The following SETX variants were observed in gnomAD, a reference collection of about 807,000 sequenced individuals.
The protein encoded by SETX is helicase senataxin.
SETX carries 90 observed loss-of-function variants against 227.2 expected under a neutral mutation model. That is an observed-to-expected ratio of 0.40 (90% CI 0.33 to 0.47). SETX has a LOEUF of 0.47. SETX is among the 20% of genes least tolerant of loss of function. The probability of loss-of-function intolerance (pLI) is 0.91; values close to 1 mark genes in which losing one functional copy is unlikely to be tolerated. For missense variants in SETX, 3,052 were observed against 3,181.5 expected, an observed-to-expected ratio of 0.96 and a Z score of 0.98; for synonymous variants, 1,210 against 1,113.2, an observed-to-expected ratio of 1.09 and a Z score of -1.73.
rs773843744 is a variant in SETX, at chr9:132,283,285, G to A, written c.6525C>T (p.Phe2175=). The A allele has an allele frequency of 6.8e-6, 11 of 1,614,128 alleles. No homozygotes were observed. Among genetic ancestry groups the A allele is most frequent in the Non-Finnish European group, 9.3e-6 (11 of 1,180,002 alleles). ...TGACCTCATCAACAATGACACAGCT[G>A]AAGGGGACACCCCCTTGCCCACGGA... ...SAFRGQGGVP[F]SCVIVDEAGQ... Residue 2175 remains phenylalanine, a synonymous_variant, in exon 19 of 26, where the codon TTC becomes TTT. Transcript: ENST00000224140.
intron 25 of SETX, among the ~76,000 whole-genome samples, chr9:132,265,328 C>T (rs534132717): frequency 1.3e-5 from 2 of 151,086 alleles, no homozygotes; most frequent in South Asian, 4.2e-4. Context: ...CGGGTTCACG[C>T]CATTCTCCTG....
intron 19 of SETX, among the ~76,000 whole-genome samples, chr9:132,281,944 C>A (rs1385802462): frequency 6.6e-6 from 1 of 150,534 alleles, no homozygotes; most frequent in Non-Finnish European, 1.5e-5. Flanking sequence ...ACTGCTTGAA[C>A]CCAGGAGGCA....
intron 2 of SETX, among the ~76,000 whole-genome samples, chr9:132,351,717 C>CT (rs1420286460): frequency 6.6e-6 from 1 of 152,182 alleles, no homozygotes; most frequent in Non-Finnish European, 1.5e-5. Context: ...CATATTTTGT[C>CT]TTTAAGGAGA....
chr9:132,282,840 G>A, intron 19 of SETX: 2 of 215,348 alleles, frequency 9.3e-6, no homozygotes, highest in South Asian at 7.0e-5. Flanking sequence ...CATCTCTTTT[G>A]TCTTCTGACT....
chr9:132,304,278 G>C (rs969580051), intron 11 of SETX, among the ~76,000 whole-genome samples: 1 of 152,134 alleles, frequency 6.6e-6, no homozygotes, highest in African/African-American at 2.4e-5. Context: ...GAAACTCAAA[G>C]CTTCTGAGGG....
intron 7 of SETX, among the ~76,000 whole-genome samples, chr9:132,333,836 A>G (rs944465242): frequency 6.6e-6 from 1 of 152,240 alleles, no homozygotes; most frequent in Non-Finnish European, 1.5e-5. Flanking sequence ...AGGATAGAGT[A>G]CAGGCACGTG....
chr9:132,323,121 C>T (rs975459212), intron 10 of SETX, among the ~76,000 whole-genome samples: 2 of 152,098 alleles, frequency 1.3e-5, no homozygotes, highest in African/African-American at 4.8e-5. Context: ...GAAGGACAGG[C>T]CTCGCTAACA....
chr9:132,300,642 G>T lies in SETX; in HGVS notation c.5536C>A (p.Arg1846Ser). ...ATTATTTACTTACTGACTGACGTGC[G>T]GCGAAATTTATGAACATAACCAGAA... ...YHSGYVHKFR[R>S]TSVMRNGKTE... Residue 1846 changes from arginine (R) to serine (S), a missense_variant, in exon 12 of 26, where the codon CGC (arginine) becomes AGC (serine). Around this residue, in one of 10 missense-constraint regions of SETX, gnomAD observed 239 missense variants for 272.1 expected, o/e 0.88. Transcript: ENST00000224140. 1 of 1,613,452 alleles carries T rather than the reference G, an allele frequency of 6.2e-7. No homozygotes were observed. The highest frequency in any genetic ancestry group is 8.5e-7 in the Non-Finnish European group (1 of 1,179,860).
chr9:132,339,707 G>A (rs1267501644), intron 5 of SETX, among the ~76,000 whole-genome samples: 1 of 152,098 alleles, frequency 6.6e-6, no homozygotes, highest in Non-Finnish European at 1.5e-5. Context: ...CTGCATCCCG[G>A]GTTCAAGCAA....
In SETX at chr9:132,288,290, C is replaced by T. The variant is rs775498692; in HGVS notation, c.6270G>A (p.Gln2090=). ...CTCGCTGCCGGGAAAGCTCATCCAG[C>T]TGATAATCTAGAAATTCCTTTCTTT... The part of the protein sequence containing the change: ...MHKRKEFLDY[Q]LDELSRQRAL... Residue 2090 remains glutamine (Q), a synonymous_variant, in exon 17 of 26, where the codon CAG becomes CAA. Coordinates refer to ENST00000224140, the MANE Select transcript of SETX (RefSeq NM_015046.7). 1 of 1,614,230 alleles carries T rather than the reference C, an allele frequency of 6.2e-7. No individual in the cohort carries two copies. The highest frequency in any genetic ancestry group is 1.1e-5 in the South Asian group (1 of 91,092).
At chr9:132,316,234 C>T (rs999570615) in intron 10 of SETX, among the ~76,000 whole-genome samples, 1 of 152,184 alleles carries the variant, frequency 6.6e-6, no homozygotes, top group African/African-American at 2.4e-5. Flanking sequence ...CTTTCAGTAA[C>T]ACTTCATATA....
At chr9:132,269,342 G>T (rs1031376591) in intron 25 of SETX, 1 of 1,271,288 alleles carries the variant, frequency 7.9e-7, no homozygotes. Flanking sequence ...ACATCTGTGG[G>T]TTTAATATAC....
chr9:132,342,833 C>T, intron 4 of SETX, 34 bp from the exon 5 acceptor site: 1 of 1,417,812 alleles, frequency 7.1e-7, no homozygotes, highest in South Asian at 1.1e-5. Flanking sequence ...ATACATAAAT[C>T]TTATCACCTT....
intron 6 of SETX, among the ~76,000 whole-genome samples, chr9:132,335,817 ACT>A (rs1479107494): frequency 1.3e-5 from 2 of 152,228 alleles, no homozygotes; most frequent in Non-Finnish European, 2.9e-5. Flanking sequence ...GGATATAAAT[ACT>A]GTTTAATAAC....
At chr9:132,336,145 A>T (rs7036889) in intron 6 of SETX, 151 bp downstream of exon 6, 18 of 679,142 alleles carry the variant, frequency 2.7e-5, no homozygotes, top group African/African-American at 2.5e-4. Flanking sequence ...CGGGAGGCTA[A>T]GGCAGGAGAA....
chr9:132,336,383 A>G lies in SETX; in HGVS notation c.631T>C (p.Tyr211His), dbSNP rs1177613501. The G allele has an allele frequency of 1.2e-6, 2 of 1,614,164 alleles. No homozygotes were observed. Among genetic ancestry groups the G allele is most frequent in the South Asian group, 1.1e-5 (1 of 91,078 alleles). The change falls in exon 6 of 26, where the codon TAT becomes CAT. Residue 211 changes from tyrosine to histidine, a missense_variant. Around this residue, in one of 10 missense-constraint regions of SETX, gnomAD observed 239 missense variants for 240.8 expected, o/e 0.99. Transcript: ENST00000224140. ...CCCTTCTCTAGGACAGAAGAAGTAT[A>G]AATGTCTGGACTCTCTAAAAGCCCC... is the stretch of plus-strand genomic sequence containing the variant. ...ELGLLESPDI[Y>H]TSSVLEKGKL...
In SETX at chr9:132,311,858, T is replaced by C; in HGVS notation, c.5275-2A>G. ...AGAGTTGAGCCATTCTTGTGCCACCTATACAAAGCACAAAAGCAAATTAAG... is the reference window on the plus strand; with the variant it reads ...AGAGTTGAGCCATTCTTGTGCCACCCATACAAAGCACAAAAGCAAATTAAG... On this transcript the variant is annotated splice_acceptor_variant, in intron 10 of 25. Transcript: ENST00000224140. LOFTEE classifies it high-confidence loss of function. The C allele has an allele frequency of 6.2e-7, 1 of 1,606,554 alleles. No individual in the cohort carries two copies. Among genetic ancestry groups the C allele is most frequent in the Non-Finnish European group, 8.5e-7 (1 of 1,173,760 alleles).
At chr9:132,331,210 A>G in intron 8 of SETX, 67 bp downstream of exon 8, 2 of 1,608,368 alleles carry the variant, frequency 1.2e-6, no homozygotes, top group African/African-American at 1.3e-5. Context: ...CCTCTTGTTA[A>G]GTAATCTAGC....
intron 22 of SETX, among the ~76,000 whole-genome samples, chr9:132,276,222 T>A (rs1049718756): frequency 1.3e-5 from 2 of 152,138 alleles, no homozygotes; most frequent in Admixed American, 6.6e-5. Flanking sequence ...ATCTCTTCCA[T>A]CCCTGAAATC....
Sources: gnomAD v4.1 joint callset for allele counts (sites outside exome capture counted in the v4.1 genomes callset) on GRCh38, gnomAD v4.1.1 for gene constraint, gnomAD v4.1.1 regional missense constraint, MANE v1.5 for transcripts, NCBI Gene and HGNC (gene_info 2026-07-23, HGNC 2026-07-21) for gene names.